Variants in TACC2 observed in about 807,000 individuals in gnomAD.
TACC2 encodes transforming acidic coiled-coil-containing protein 2.
In TACC2, 137 loss-of-function variants were observed where a neutral mutation model predicts 227.3. The ratio of observed to expected loss-of-function variants is 0.60; its 90% CI spans 0.52 to 0.69. The LOEUF (loss-of-function observed/expected upper bound fraction) is 0.69. Among genes scored for constraint, TACC2 ranks in the 30% least tolerant of loss-of-function variants. The pLI is 0.00. For synonymous variants in TACC2, 1,523 were observed against 1,487.5 expected, an observed-to-expected ratio of 1.02 and a Z score of -0.55; for missense variants, 3,470 against 3,694.4, an observed-to-expected ratio of 0.94 and a Z score of 1.57.
At chr10:122,120,935 T>G (rs575811581) in intron 5 of TACC2, among the ~76,000 whole-genome samples, 9 of 152,316 alleles carry the variant, frequency 5.9e-5, no homozygotes, top group African/African-American at 2.2e-4. Context: ...CAGCTAATTT[T>G]TGCATTTTTT....
chr10:122,007,362 T>A (rs1162289241), intron 1 of TACC2, among the ~76,000 whole-genome samples: 1 of 152,200 alleles, frequency 6.6e-6, no homozygotes, highest in African/African-American at 2.4e-5. Flanking sequence ...ATTCAAGGTA[T>A]TTTATATATG....
intron 9 of TACC2, among the ~76,000 whole-genome samples, chr10:122,214,699 G>T (rs979412000): frequency 6.6e-6 from 1 of 152,180 alleles, no homozygotes. Flanking sequence ...TGATTTGGTG[G>T]TTTCCTTTGC....
chr10:122,124,103 C>T (rs1248961011), intron 5 of TACC2, among the ~76,000 whole-genome samples: 1 of 152,202 alleles, frequency 6.6e-6, no homozygotes, highest in Non-Finnish European at 1.5e-5. Context: ...TGAGCCACTG[C>T]ACCTGGCCTC....
chr10:122,136,158 A>G (rs1015690243), intron 6 of TACC2, among the ~76,000 whole-genome samples: 4 of 152,186 alleles, frequency 2.6e-5, no homozygotes, highest in Non-Finnish European at 4.4e-5. Flanking sequence ...AGCTACCCCT[A>G]TGTTTCCTCT....
intron 2 of TACC2, among the ~76,000 whole-genome samples, chr10:122,040,732 GT>G (rs1451867862): frequency 3.9e-5 from 6 of 152,148 alleles, no homozygotes; most frequent in Non-Finnish European, 5.9e-5. Context: ...TTGTCTGGGT[GT>G]TTCTGTAACA....
intron 4 of TACC2, 89 bp downstream of exon 4, chr10:122,088,048 G>A: frequency 7.3e-7 from 1 of 1,372,786 alleles, no homozygotes; most frequent in Non-Finnish European, 9.5e-7. Context: ...TCGCATAGGT[G>A]AGTGGTTTTC....
chr10:122,236,079 C>G (rs1257978976), intron 16 of TACC2, among the ~76,000 whole-genome samples: 1 of 152,186 alleles, frequency 6.6e-6, no homozygotes, highest in Non-Finnish European at 1.5e-5. Context: ...CATTAAACTT[C>G]TTGAGTTTTC....
chr10:122,037,044 A>G (rs566780147), intron 2 of TACC2, among the ~76,000 whole-genome samples: 5 of 152,290 alleles, frequency 3.3e-5, no homozygotes, highest in Admixed American at 1.3e-4. Flanking sequence ...GATGAAGTGC[A>G]GGGGACAGCT....
intron 2 of TACC2, among the ~76,000 whole-genome samples, chr10:122,039,448 C>A (rs1212632757): frequency 6.6e-6 from 1 of 152,016 alleles, no homozygotes. Flanking sequence ...GGCTGCTGAT[C>A]TGAGTGCAGA....
intron 5 of TACC2, among the ~76,000 whole-genome samples, chr10:122,099,572 C>T (rs375975661): frequency 2.0e-5 from 3 of 152,238 alleles, no homozygotes; most frequent in Admixed American, 2.0e-4. Flanking sequence ...CCAGCAGCAT[C>T]CACATACTTC....
intron 7 of TACC2, among the ~76,000 whole-genome samples, chr10:122,146,574 C>T (rs1377585447): frequency 6.6e-6 from 1 of 152,060 alleles, no homozygotes; most frequent in East Asian, 1.9e-4. Context: ...TCAGCCCCCT[C>T]GTTATAGGAT....
At chr10:122,220,177 A>G (rs943428007) in intron 11 of TACC2, among the ~76,000 whole-genome samples, 1 of 152,146 alleles carries the variant, frequency 6.6e-6, no homozygotes, top group Non-Finnish European at 1.5e-5. Context: ...TACTAACAGT[A>G]CTTTTAGGGC....
chr10:121,993,431 G>C (rs963176801), intron 1 of TACC2, among the ~76,000 whole-genome samples: 2 of 151,876 alleles, frequency 1.3e-5, no homozygotes, highest in Admixed American at 6.6e-5. Flanking sequence ...AATATGAGAG[G>C]GAAGTCTTCC....
In TACC2 at chr10:122,248,633, C is replaced by T. The variant is rs1251299662; in HGVS notation, c.8393-10C>T. The T allele has an allele frequency of 6.2e-7, 1 of 1,612,604 alleles. No individual in the cohort carries two copies. Among genetic ancestry groups the T allele is most frequent in the Admixed American group, 1.7e-5 (1 of 60,022 alleles). ...GGCTCCATCATTTGGCTCCTGGTCT[C>T]TCCTGCCAGAGGACGAACAGAGAGA... On this transcript the variant is annotated splice_polypyrimidine_tract_variant and intron_variant, in intron 19 of 22. Transcript: ENST00000369005.
At chr10:122,074,896 C>G (rs2078594941) in intron 3 of TACC2, among the ~76,000 whole-genome samples, 1 of 152,138 alleles carries the variant, frequency 6.6e-6, no homozygotes, top group South Asian at 2.1e-4. Context: ...TGGGCACGGT[C>G]TCAGCCTTCC....
chr10:122,076,832 G>T (rs2136921051), intron 3 of TACC2, among the ~76,000 whole-genome samples: 1 of 152,120 alleles, frequency 6.6e-6, no homozygotes, highest in East Asian at 1.9e-4. Flanking sequence ...TTCATGATCT[G>T]GGCCGGGTGC....
rs1202010230 is a variant in TACC2, at chr10:122,210,410, G to A, written c.5985G>A (p.Glu1995=). The change falls in exon 9 of 23, where the codon GAG becomes GAA. Residue 1995 remains glutamate, a synonymous_variant. Coordinates refer to ENST00000369005, the MANE Select transcript of TACC2 (RefSeq NM_206862.4). This position sits in a 1 kb window ranked among gnomAD's most constrained non-coding sequence, Gnocchi z 4.6. ...PPPEEPGCGS[E]TVPVPDGPRS... Reference sequence around the variant, plus strand: ...GTGTTTCCCCAGGATGTGGTTCTGAGACAGTCCCTGTCCCTGATGGCCCAC... The same window carrying A: ...GTGTTTCCCCAGGATGTGGTTCTGAAACAGTCCCTGTCCCTGATGGCCCAC... 4 of 1,613,822 alleles carry A rather than the reference G, an allele frequency of 2.5e-6. No homozygotes were observed. In the South Asian group the frequency reaches 3.3e-5, roughly 13 times the overall value.
At chr10:122,193,607 G>A (rs1162984285) in intron 7 of TACC2, among the ~76,000 whole-genome samples, 1 of 152,164 alleles carries the variant, frequency 6.6e-6, no homozygotes, top group Admixed American at 6.6e-5. Flanking sequence ...TGCTTGCTGG[G>A]ATCATTCGTG....
intron 7 of TACC2, among the ~76,000 whole-genome samples, chr10:122,148,947 C>T (rs1263103722): frequency 6.6e-6 from 1 of 152,230 alleles, no homozygotes; most frequent in Non-Finnish European, 1.5e-5. Flanking sequence ...AGTCACCACG[C>T]TTCTGATGGG....
Sources: gnomAD v4.1 joint callset for allele counts (sites outside exome capture counted in the v4.1 genomes callset) on GRCh38, gnomAD v4.1.1 for gene constraint, Gnocchi (gnomAD v3.1) non-coding constraint, MANE v1.5 for transcripts, NCBI Gene and HGNC (gene_info 2026-07-23, HGNC 2026-07-21) for gene names.